GULP1: variants seen among roughly 807,000 people sequenced by gnomAD.
The protein encoded by GULP1 is PTB domain-containing engulfment adapter protein 1.
In GULP1, 19 loss-of-function variants were observed where a neutral mutation model predicts 40.9. The observed-to-expected ratio is 0.46, with a 90% CI of 0.32 to 0.68. GULP1 has a LOEUF of 0.68. Ranked by LOEUF, GULP1 falls within the 30% of genes least tolerant of loss-of-function variation. GULP1 has a pLI of 0.03. For missense variants in GULP1, 312 were observed against 362.2 expected (o/e 0.86, Z 1.12); for synonymous variants, 119 against 117.6 (o/e 1.01, Z -0.08).
chr2:188,296,378 G>A (rs1012536014), intron 1 of GULP1, among the ~76,000 whole-genome samples: 1 of 151,978 alleles, frequency 6.6e-6, no homozygotes, highest in Non-Finnish European at 1.5e-5. Context: ...CTTGTTATTT[G>A]CGAGTTTTTT....
chr2:188,564,665 A>G (rs574614452), intron 7 of GULP1, among the ~76,000 whole-genome samples: 2 of 152,054 alleles, frequency 1.3e-5, no homozygotes, highest in African/African-American at 2.4e-5. Context: ...CATGGATTCA[A>G]TACAATTCTG....
At chr2:188,317,185 C>T (rs942757147) in intron 1 of GULP1, among the ~76,000 whole-genome samples, 2 of 152,162 alleles carry the variant, frequency 1.3e-5, no homozygotes, top group African/African-American at 4.8e-5. Context: ...TACCTCATTT[C>T]ATCCCATAGG....
At chr2:188,546,272 A>G (rs775457311) in intron 7 of GULP1, among the ~76,000 whole-genome samples, 5 of 152,028 alleles carry the variant, frequency 3.3e-5, no homozygotes, top group Non-Finnish European at 7.4e-5. Flanking sequence ...CAGAATGTAC[A>G]TTATTTTCAA....
At chr2:188,496,345 TG>T (rs1302831001) in intron 4 of GULP1, among the ~76,000 whole-genome samples, 3 of 152,054 alleles carry the variant, frequency 2.0e-5, no homozygotes, top group Admixed American at 1.3e-4. Context: ...CTGTTTTTAT[TG>T]CTCATTAGAA....
intron 2 of GULP1, among the ~76,000 whole-genome samples, chr2:188,474,319 C>T (rs2060830199): frequency 6.6e-6 from 1 of 152,164 alleles, no homozygotes; most frequent in African/African-American, 2.4e-5. Flanking sequence ...CTAAAACTTG[C>T]ATTGCTTATG....
At chr2:188,341,315 A>T (rs143756491) in intron 1 of GULP1, among the ~76,000 whole-genome samples, 1 of 152,232 alleles carries the variant, frequency 6.6e-6, no homozygotes, top group East Asian at 1.9e-4. Context: ...GCACACTTCT[A>T]AACAGCCAGA....
At chr2:188,496,792 G>C (rs1258968893) in intron 4 of GULP1, among the ~76,000 whole-genome samples, 2 of 151,878 alleles carry the variant, frequency 1.3e-5, no homozygotes, top group Non-Finnish European at 2.9e-5. Flanking sequence ...TAGATCATGG[G>C]GGGTGGTTTC....
intron 9 of GULP1, among the ~76,000 whole-genome samples, chr2:188,581,350 G>A (rs534783383): frequency 6.6e-6 from 1 of 152,300 alleles, no homozygotes; most frequent in East Asian, 1.9e-4. Flanking sequence ...CTTCTGCAGT[G>A]ATACATCTGA....
intron 7 of GULP1, among the ~76,000 whole-genome samples, chr2:188,543,204 TAAAA>T (rs1193885360): frequency 1.3e-5 from 2 of 151,948 alleles, no homozygotes; most frequent in Non-Finnish European, 2.9e-5. Context: ...AAAAAATAAA[TAAAA>T]AAAGATTGAA....
At chr2:188,575,953 A>G (rs891529175) in intron 9 of GULP1, among the ~76,000 whole-genome samples, 6 of 152,108 alleles carry the variant, frequency 3.9e-5, no homozygotes, top group African/African-American at 1.4e-4. Flanking sequence ...TTTTTGACAC[A>G]TTTTGAAAGT....
intron 1 of GULP1, among the ~76,000 whole-genome samples, chr2:188,307,800 T>C (rs951356191): frequency 6.6e-6 from 1 of 152,214 alleles, no homozygotes; most frequent in African/African-American, 2.4e-5. Flanking sequence ...TTTACTGATA[T>C]GGGAGCAGGA....
chr2:188,534,430 C>T (rs1337401223), intron 6 of GULP1, among the ~76,000 whole-genome samples: 1 of 151,884 alleles, frequency 6.6e-6, no homozygotes, highest in Non-Finnish European at 1.5e-5. Flanking sequence ...TAAGTGGGTA[C>T]TTATACTGGG....
chr2:188,517,321 T>A (rs762206180), intron 4 of GULP1, among the ~76,000 whole-genome samples: 4 of 152,144 alleles, frequency 2.6e-5, no homozygotes, highest in Non-Finnish European at 4.4e-5. Flanking sequence ...TTTTTTAATA[T>A]TATCATTTTT....
chr2:188,348,801 G>A (rs2044052067), intron 1 of GULP1, among the ~76,000 whole-genome samples: 1 of 152,094 alleles, frequency 6.6e-6, no homozygotes, highest in South Asian at 2.1e-4. Context: ...GGTATCTGTA[G>A]GGGGGCCCTG....
intron 2 of GULP1, among the ~76,000 whole-genome samples, chr2:188,427,766 C>T (rs745424510): frequency 3.9e-5 from 6 of 152,216 alleles, no homozygotes; most frequent in Admixed American, 2.6e-4. Flanking sequence ...TCATGGAGAA[C>T]CTCTACTAGG....
chr2:188,374,328 C>T (rs1448560294), intron 1 of GULP1, among the ~76,000 whole-genome samples: 1 of 152,016 alleles, frequency 6.6e-6, no homozygotes. Flanking sequence ...ATAATACATA[C>T]ATTCAAGAGT....
chr2:188,502,170 T>C (rs961255333), intron 4 of GULP1, among the ~76,000 whole-genome samples: 5 of 125,018 alleles, frequency 4.0e-5, no homozygotes, highest in Admixed American at 3.3e-4. Context: ...TAGGATGGAA[T>C]AGATGTTTAT....
intron 1 of GULP1, among the ~76,000 whole-genome samples, chr2:188,295,555 A>G (rs925235327): frequency 1.3e-5 from 2 of 152,122 alleles, no homozygotes; most frequent in African/African-American, 4.8e-5. Context: ...AAAATATACT[A>G]CATATTTTTA....
At chr2:188,430,578 A>G (rs1376854534) in intron 2 of GULP1, among the ~76,000 whole-genome samples, 1 of 152,232 alleles carries the variant, frequency 6.6e-6, no homozygotes, top group African/African-American at 2.4e-5. Context: ...GTTTGGGCTC[A>G]GAAAACAATA....
Sources: allele counts gnomAD v4.1 joint callset (sites outside exome capture counted in the v4.1 genomes callset), GRCh38; gene constraint gnomAD v4.1.1; transcripts MANE v1.5; gene names NCBI Gene and HGNC (gene_info 2026-07-23, HGNC 2026-07-21).